SPIDR: variants seen among roughly 807,000 people sequenced by gnomAD.
SPIDR encodes scaffold protein involved in DNA repair.
Under a neutral mutation model 104.6 loss-of-function variants are expected in SPIDR, and 93 were observed. That is an observed-to-expected ratio of 0.89 (90% CI 0.75 to 1.06). The LOEUF is 1.06. Among genes scored for constraint, SPIDR ranks in the 50% least tolerant of loss-of-function variants. The pLI is 0.00. For synonymous variants in SPIDR, 431 were observed against 416.9 expected (o/e 1.03, Z -0.41); for missense variants, 1,154 against 1,111.2 (o/e 1.04, Z -0.55).
intron 5 of SPIDR, among the ~76,000 whole-genome samples, chr8:47,391,990 C>T (rs1220060176): frequency 3.8e-5 from 5 of 130,144 alleles, no homozygotes; most frequent in African/African-American, 9.2e-5. Flanking sequence ...AGCCAGACTC[C>T]GTCTCAAAAA....
At chr8:47,508,821 A>T (rs958070928) in intron 8 of SPIDR, among the ~76,000 whole-genome samples, 1 of 152,148 alleles carries the variant, frequency 6.6e-6, no homozygotes, top group Non-Finnish European at 1.5e-5. Flanking sequence ...AGAATGTCCA[A>T]TAAGTGCTGA....
At chr8:47,704,086 C>T (rs893075555) in intron 14 of SPIDR, among the ~76,000 whole-genome samples, 5 of 152,194 alleles carry the variant, frequency 3.3e-5, no homozygotes, top group Non-Finnish European at 7.3e-5. Context: ...CTGTCAATTG[C>T]GTTTCCTTTC....
chr8:47,495,713 T>G (rs1393384275), intron 8 of SPIDR, among the ~76,000 whole-genome samples: 1 of 152,188 alleles, frequency 6.6e-6, no homozygotes. Flanking sequence ...TTAATTTTTG[T>G]GTATGATGTA....
intron 8 of SPIDR, chr8:47,547,174 AC>A: frequency 1.6e-6 from 1 of 631,986 alleles, no homozygotes. Flanking sequence ...ATCATGAGTC[AC>A]CAGATGAGGG....
intron 6 of SPIDR, among the ~76,000 whole-genome samples, chr8:47,403,515 T>A (rs1689204935): frequency 6.6e-6 from 1 of 152,200 alleles, no homozygotes; most frequent in Non-Finnish European, 1.5e-5. Flanking sequence ...AGTCTTGGGA[T>A]ACAAAATCAA....
intron 7 of SPIDR, among the ~76,000 whole-genome samples, chr8:47,437,508 G>A (rs1363346320): frequency 6.6e-6 from 1 of 151,902 alleles, no homozygotes; most frequent in African/African-American, 2.4e-5. Flanking sequence ...GGACATTTGG[G>A]TTGGTTCCAA....
intron 16 of SPIDR, among the ~76,000 whole-genome samples, chr8:47,719,496 G>A (rs903810014): frequency 1.3e-5 from 2 of 151,782 alleles, no homozygotes; most frequent in African/African-American, 2.4e-5. Flanking sequence ...GCGACAGAGC[G>A]AGACTCCGTA....
rs543817564 is a variant in SPIDR at position 47,424,893 on chromosome 8, G to C, written c.878-15430G>C. Among the ~76,000 whole-genome samples the C allele has an allele frequency of 3.3e-5, 5 of 152,048 alleles. No individual in the cohort carries two copies. The East Asian group carries it at 9.7e-4, about 29-fold the overall frequency. ...TTACAGGCGCCTGCCACCACCCCTG[G>C]GTAATTTTTGTATTTTTAGTAGAGC... is the stretch of plus-strand genomic sequence containing the variant. On this transcript the variant is annotated intron_variant, in intron 7 of 19. Transcript: ENST00000297423.
chr8:47,581,937 C>T (rs1254747131), intron 8 of SPIDR, among the ~76,000 whole-genome samples: 1 of 152,212 alleles, frequency 6.6e-6, no homozygotes, highest in Admixed American at 6.5e-5. Context: ...AATACTGTGA[C>T]TGGGCATGGT....
intron 5 of SPIDR, among the ~76,000 whole-genome samples, chr8:47,326,981 A>G (rs782688710): frequency 8.5e-5 from 13 of 152,180 alleles, no homozygotes; most frequent in Non-Finnish European, 1.8e-4. Flanking sequence ...TTGCTGGACT[A>G]TATGGTAATT....
chr8:47,374,553 G>T (rs1238276673), intron 5 of SPIDR, among the ~76,000 whole-genome samples: 1 of 152,130 alleles, frequency 6.6e-6, no homozygotes, highest in African/African-American at 2.4e-5. Context: ...TATCCAGTCA[G>T]GTGGACTTTT....
intron 11 of SPIDR, among the ~76,000 whole-genome samples, chr8:47,685,364 GT>G (rs377251364): frequency 5.3e-5 from 8 of 151,876 alleles, no homozygotes; most frequent in African/African-American, 1.9e-4. Context: ...GCAGGGTTTT[GT>G]TTTATTCTTT....
intron 8 of SPIDR, among the ~76,000 whole-genome samples, chr8:47,479,368 A>G (rs1182026702): frequency 8.5e-5 from 13 of 152,086 alleles, no homozygotes; most frequent in African/African-American, 2.2e-4. Context: ...AAAAAAAAAA[A>G]AAAGAAAGAA....
intron 8 of SPIDR, among the ~76,000 whole-genome samples, chr8:47,558,585 TG>T (rs1298786237): frequency 1.3e-5 from 2 of 152,104 alleles, no homozygotes; most frequent in Non-Finnish European, 2.9e-5. Context: ...TCAGCATTTG[TG>T]AATGGTGATT....
intron 10 of SPIDR, among the ~76,000 whole-genome samples, chr8:47,616,438 T>G (rs549802785): frequency 6.6e-6 from 1 of 152,324 alleles, no homozygotes; most frequent in Non-Finnish European, 1.5e-5. Context: ...TTTTATATAC[T>G]ATATAGTTAG....
At chr8:47,604,212 A>G (rs1004826225) in intron 10 of SPIDR, among the ~76,000 whole-genome samples, 5 of 152,228 alleles carry the variant, frequency 3.3e-5, no homozygotes, top group African/African-American at 1.2e-4. Context: ...AGGCAGTACT[A>G]TTTAAGTTTA....
At chr8:47,489,288 C>T (rs893994981) in intron 8 of SPIDR, among the ~76,000 whole-genome samples, 7 of 152,202 alleles carry the variant, frequency 4.6e-5, no homozygotes, top group African/African-American at 1.7e-4. Context: ...GGGAATCCAA[C>T]TTACAAGGGA....
intron 5 of SPIDR, among the ~76,000 whole-genome samples, chr8:47,391,874 T>C (rs1685507985): frequency 6.6e-6 from 1 of 151,252 alleles, no homozygotes; most frequent in African/African-American, 2.4e-5. Context: ...CGGGCGCCTG[T>C]AGTCCCAGCT....
intron 10 of SPIDR, among the ~76,000 whole-genome samples, chr8:47,641,444 T>TA (rs2068971178): frequency 6.6e-6 from 1 of 152,258 alleles, no homozygotes. Flanking sequence ...ATTCCTGCTT[T>TA]ATATCTCAAG....
Sources: allele counts gnomAD v4.1 joint callset (sites outside exome capture counted in the v4.1 genomes callset), GRCh38; gene constraint gnomAD v4.1.1; transcripts MANE v1.5; gene names NCBI Gene and HGNC (gene_info 2026-07-23, HGNC 2026-07-21).